Variants in PTPRB observed in about 807,000 individuals in gnomAD.
The protein encoded by PTPRB is protein tyrosine phosphatase receptor type B, also known as receptor-type tyrosine-protein phosphatase beta.
PTPRB carries 97 observed loss-of-function variants against 238.1 expected under a neutral mutation model. The observed-to-expected ratio is 0.41, with a 90% CI of 0.35 to 0.48. PTPRB has a LOEUF of 0.48. PTPRB is among the 20% of genes least tolerant of loss of function. PTPRB has a pLI of 0.30. For missense variants in PTPRB, 2,292 were observed against 2,681.9 expected, an observed-to-expected ratio of 0.85 and a Z score of 3.21; for synonymous variants, 970 against 995.4, an observed-to-expected ratio of 0.97 and a Z score of 0.48.
At position 70,559,304 on chromosome 12, in the gene PTPRB, A is replaced by G. The variant is rs759006976; in HGVS notation, c.4714+39T>C. 7 of 1,558,482 alleles carry G rather than the reference A, an allele frequency of 4.5e-6. 1 individual carries two copies. In the South Asian group the frequency reaches 6.7e-5, roughly 15 times the overall value. On this transcript the variant is annotated intron_variant, in intron 18 of 33. Transcript: ENST00000334414. Reference sequence around the variant, plus strand: ...AAGATGTTGAACATATACTTCCTCTACTCCATTTGAGAAATAAGAGTAGCA... The same window carrying G: ...AAGATGTTGAACATATACTTCCTCTGCTCCATTTGAGAAATAAGAGTAGCA...
chr12:70,588,110 A>AG (rs1408312033), intron 8 of PTPRB, among the ~76,000 whole-genome samples: 20 of 125,164 alleles, frequency 1.6e-4, no homozygotes, highest in Middle Eastern at 3.7e-3. Context: ...AAAAAAAAAA[A>AG]AAAGAAAAGA....
chr12:70,531,991 G>C (rs1427826909), intron 32 of PTPRB, 44 bp downstream of exon 32: 1 of 1,611,780 alleles, frequency 6.2e-7, no homozygotes, highest in African/African-American at 1.3e-5. Context: ...TGGGAATACA[G>C]TGGGGAGGAG....
chr12:70,563,063 T>C lies in PTPRB; in HGVS notation c.3949A>G (p.Arg1317Gly). ...GCGGTCCAGCGGAAGGACAGGTGCC[T>C]GGTGGAGTTCTCTGTGATCCTCAGG... is the stretch of plus-strand genomic sequence containing the variant. Reference protein sequence around the residue: ...TDLRITENSTRHLSFRWTASE... With the variant: ...TDLRITENSTGHLSFRWTASE... The change falls in exon 16 of 34, where the codon AGG (arginine) becomes GGG (glycine). Residue 1317 changes from arginine (R) to glycine (G), a missense_variant. Physicochemically the swap from Arg to Gly is moderately radical, Grantham distance 125. Around this residue, in one of 4 missense-constraint regions of PTPRB, gnomAD observed 683 missense variants for 862.0 expected, o/e 0.79. Transcript: ENST00000334414. The C allele has an allele frequency of 6.2e-7, 1 of 1,613,658 alleles. No homozygotes were observed. The highest frequency in any genetic ancestry group is 8.5e-7 in the Non-Finnish European group (1 of 1,179,730).
At chr12:70,625,110 A>T (rs1885114760) in intron 2 of PTPRB, among the ~76,000 whole-genome samples, 1 of 152,112 alleles carries the variant, frequency 6.6e-6, no homozygotes, top group Admixed American at 6.6e-5. Context: ...TTAGACCACC[A>T]CCTTTTTTCC....
chr12:70,580,349 A>G (rs1033329005), intron 10 of PTPRB, among the ~76,000 whole-genome samples: 2 of 152,188 alleles, frequency 1.3e-5, no homozygotes, highest in Admixed American at 1.3e-4. Flanking sequence ...TTTTCTTTTT[A>G]TGTCTTGCAA....
intron 3 of PTPRB, among the ~76,000 whole-genome samples, chr12:70,612,628 G>T (rs1284618212): frequency 6.6e-6 from 1 of 151,908 alleles, no homozygotes; most frequent in Non-Finnish European, 1.5e-5. Context: ...GAAGGGTGGG[G>T]CTGCTTTTGA....
chr12:70,529,697 G>T (rs1026172118), intron 32 of PTPRB, among the ~76,000 whole-genome samples: 5 of 152,226 alleles, frequency 3.3e-5, no homozygotes, highest in Admixed American at 3.3e-4. Flanking sequence ...TGCAACCTTT[G>T]ATGAAATAAC....
At chr12:70,630,165 C>G (rs1270822612) in intron 2 of PTPRB, among the ~76,000 whole-genome samples, 1 of 152,080 alleles carries the variant, frequency 6.6e-6, no homozygotes, top group Non-Finnish European at 1.5e-5. Flanking sequence ...TGCAAAAATC[C>G]TCAATAAAAT....
At chr12:70,564,871 AATAATAATAATAAT>A (rs760807312) in intron 15 of PTPRB, among the ~76,000 whole-genome samples, 12,604 of 107,770 alleles carry the variant, frequency 0.12, 663 homozygotes, top group South Asian at 0.17. Flanking sequence ...TAATAATAAT[AATAATAATAATAAT>A]AATAAATAGA....
intron 2 of PTPRB, among the ~76,000 whole-genome samples, chr12:70,623,384 G>A (rs569412700): frequency 2.8e-4 from 42 of 152,268 alleles, no homozygotes; most frequent in African/African-American, 9.9e-4. Context: ...GGTTCACTTA[G>A]CCATAATTTT....
intron 28 of PTPRB, chr12:70,537,919 C>G: frequency 2.3e-6 from 1 of 440,188 alleles, no homozygotes; most frequent in East Asian, 3.7e-5. Context: ...AGTAGATGAT[C>G]TATGAAAATG....
At chr12:70,615,835 T>G (rs2136562888) in intron 3 of PTPRB, among the ~76,000 whole-genome samples, 1 of 152,292 alleles carries the variant, frequency 6.6e-6, no homozygotes, top group East Asian at 1.9e-4. Flanking sequence ...ATGATAACAT[T>G]GGCTTTAAAG....
chr12:70,524,902 T>C, intron 32 of PTPRB, among the ~76,000 whole-genome samples: 1 of 150,720 alleles, frequency 6.6e-6, no homozygotes, highest in South Asian at 2.1e-4. Context: ...TGTGTATATA[T>C]GTGTATATAT....
intron 31 of PTPRB, among the ~76,000 whole-genome samples, chr12:70,532,515 G>A (rs1022856342): frequency 3.3e-5 from 5 of 152,256 alleles, no homozygotes; most frequent in African/African-American, 1.2e-4. Context: ...GGTAACATAT[G>A]TGCTTTAGGT....
At chr12:70,558,075 CT>C (rs370575875) in intron 18 of PTPRB, among the ~76,000 whole-genome samples, 9 of 152,264 alleles carry the variant, frequency 5.9e-5, no homozygotes, top group African/African-American at 1.7e-4. Context: ...TGTCTCCTCT[CT>C]ATGTAAGTAA....
intron 23 of PTPRB, chr12:70,540,639 C>T: frequency 2.0e-6 from 1 of 505,796 alleles, no homozygotes; most frequent in Non-Finnish European, 3.5e-6. Context: ...GATGGCCCCT[C>T]AGTCCTTTGG....
chr12:70,555,979 G>T lies in PTPRB; in HGVS notation c.4884C>A (p.Leu1628=). Residue 1628 remains leucine (L), a synonymous_variant, in exon 19 of 34, where the codon CTC becomes CTA. Coordinates refer to ENST00000334414, the MANE Select transcript of PTPRB (RefSeq NM_001109754.4). The part of the protein sequence containing the change: ...SRKLEKEKSL[L]NIMMLVPHKR... ...TATGGGGCACTAGCATCATGATGTTGAGCAGAGATTTTTCTTTCTCCAGCT... is the reference window on the plus strand; with the variant it reads ...TATGGGGCACTAGCATCATGATGTTTAGCAGAGATTTTTCTTTCTCCAGCT... The T allele has an allele frequency of 6.2e-7, 1 of 1,613,960 alleles. No homozygotes were observed. Among genetic ancestry groups the T allele is most frequent in the East Asian group, 2.2e-5 (1 of 44,880 alleles).
At chr12:70,574,791 T>G (rs887036700) in intron 11 of PTPRB, among the ~76,000 whole-genome samples, 3 of 152,230 alleles carry the variant, frequency 2.0e-5, no homozygotes, top group Non-Finnish European at 4.4e-5. Flanking sequence ...CCATTAGTCG[T>G]GTACCAAGTC....
intron 21 of PTPRB, among the ~76,000 whole-genome samples, chr12:70,550,787 T>G (rs1333157883): frequency 6.6e-6 from 1 of 152,150 alleles, no homozygotes. Flanking sequence ...ACAAACTAAA[T>G]CAGCTTCAGT....
Sources: allele counts gnomAD v4.1 joint callset (sites outside exome capture counted in the v4.1 genomes callset), GRCh38; gene constraint gnomAD v4.1.1; regional missense constraint gnomAD v4.1.1; transcripts MANE v1.5; gene names NCBI Gene and HGNC (gene_info 2026-07-23, HGNC 2026-07-21).